The following LAMA5 variants were observed in gnomAD, a reference collection of about 807,000 sequenced individuals.
LAMA5 encodes the protein laminin subunit alpha-5.
In LAMA5, 260 loss-of-function variants were observed where a neutral mutation model predicts 433.4. That is an observed-to-expected ratio of 0.60 (90% confidence interval 0.54 to 0.66). The LOEUF (loss-of-function observed/expected upper bound fraction) is 0.66. Ranked by LOEUF, LAMA5 falls within the 30% of genes least tolerant of loss-of-function variation. LAMA5 has a pLI of 0.00. For synonymous variants in LAMA5, 2,620 were observed against 2,226.6 expected, an observed-to-expected ratio of 1.18 and a Z score of -4.97; for missense variants, 5,378 against 5,258.5, an observed-to-expected ratio of 1.02 and a Z score of -0.70.
At position 62,322,425 on chromosome 20, in the gene LAMA5, A is replaced by C; in HGVS notation, c.6190T>G (p.Cys2064Gly). ...CAAGCACACGGGCGGCAGCCCCCGC[A>C]GCCATCGAAACCAAAATGTCCCTCC... ...CQEGHFGFDG[C>G]GGCRPCACGP... Residue 2064 changes from cysteine to glycine, a missense_variant, in exon 47 of 80, where the codon TGC (cysteine) becomes GGC (glycine). Physicochemically the swap from Cys to Gly is radical, Grantham distance 159. Transcript: ENST00000252999. The C allele has an allele frequency of 6.3e-7, 1 of 1,591,950 alleles. No individual in the cohort carries two copies. The highest frequency in any genetic ancestry group is 8.5e-7 in the Non-Finnish European group (1 of 1,169,900).
chr20:62,351,563 G>A, intron 6 of LAMA5, 141 bp downstream of exon 6: 1 of 758,140 alleles, frequency 1.3e-6, no homozygotes, highest in Non-Finnish European at 2.2e-6. Flanking sequence ...GCGGTGGTCA[G>A]TGCAGGTCAC....
At chr20:62,334,732 C>CAGGGCTA (rs1981216807) in intron 20 of LAMA5, 111 bp from the exon 21 acceptor site, 5 of 622,522 alleles carry the variant, frequency 8.0e-6, no homozygotes, top group Admixed American at 7.5e-5. Context: ...GATGGAGAGT[C>CAGGGCTA]AGGGCTCAGG....
intron 2 of LAMA5, 51 bp from the exon 3 acceptor site, chr20:62,353,302 C>T (rs1404983466): frequency 7.6e-7 from 1 of 1,312,502 alleles, no homozygotes. Flanking sequence ...GATTCCCATG[C>T]TCCCAGGGGC....
intron 34 of LAMA5, 81 bp downstream of exon 34, chr20:62,328,763 C>A: frequency 7.3e-7 from 1 of 1,375,110 alleles, no homozygotes; most frequent in Non-Finnish European, 1.0e-6. Context: ...TTCTCCTGAC[C>A]CTGCTTTCTG....
rs747927662 is a variant in LAMA5, at chr20:62,338,518, C to T, written c.1568G>A (p.Gly523Asp). The T allele has an allele frequency of 3.0e-5, 48 of 1,610,004 alleles. No homozygotes were observed. Among genetic ancestry groups the T allele is most frequent in the Non-Finnish European group, 3.4e-6 (4 of 1,179,094 alleles). Reference sequence around the variant, plus strand: ...TGGCGCGCAGAGCTCACAATGGGTGCCTTGGAAGTTGGGTTTGCACAGACA... The same window carrying T: ...TGGCGCGCAGAGCTCACAATGGGTGTCTTGGAAGTTGGGTTTGCACAGACA... ...GRCLCKPNFQ[G>D]THCELCAPGF... Residue 523 changes from glycine to aspartate, a missense_variant, in exon 12 of 80, where the codon GGC becomes GAC. Transcript: ENST00000252999.
rs766412407 is a variant in LAMA5, at chr20:62,352,025, G to C, written c.742C>G (p.Pro248Ala). 2 of 1,612,716 alleles carry C rather than the reference G, an allele frequency of 1.2e-6. No individual in the cohort carries two copies. The highest frequency in any genetic ancestry group is 2.2e-5 in the South Asian group (2 of 91,078). ...GCCTTGGTGAACTCACGTAGCAGCGGCGAGTAGGAGAAATTCATGGCGCCC... is the reference window on the plus strand; with the variant it reads ...GCCTTGGTGAACTCACGTAGCAGCGCCGAGTAGGAGAAATTCATGGCGCCC... ...RPGAMNFSYS[P>A]LLREFTKATN... Residue 248 changes from proline (P) to alanine (A), a missense_variant, in exon 5 of 80, where the codon CCG becomes GCG. Transcript: ENST00000252999.
rs569003921 is a variant in LAMA5, at chr20:62,325,377, G to A, written c.5468C>T (p.Ala1823Val). The A allele has an allele frequency of 1.5e-5, 24 of 1,609,854 alleles. No homozygotes were observed. In the East Asian group the frequency reaches 4.7e-4, roughly 31 times the overall value. The change falls in exon 41 of 80, where the codon GCC becomes GTC. Residue 1823 changes from alanine (A) to valine (V), a missense_variant. Physicochemically the swap from Ala to Val is moderately conservative, Grantham distance 64 (BLOSUM62 0). Coordinates refer to ENST00000252999, the MANE Select transcript of LAMA5 (RefSeq NM_005560.6). ...GCACAGCTCCACATTGCTGGCCAGG[G>A]CCCCCTGGCCTGCTGGGCTGGCCAC... is the stretch of plus-strand genomic sequence containing the variant. ...LEVASPAGQG[A>V]LASNVELCLC...
In LAMA5 at chr20:62,345,765, G is replaced by A. The variant is rs545091402; in HGVS notation, c.1477+53C>T. ...TTCTCCAGGAACTTTCTGTGAAGCC[G>A]CCCCCATGGCTCCAGGGCAGGCCGG... On this transcript the variant is annotated intron_variant, in intron 11 of 79. Transcript: ENST00000252999. The A allele has an allele frequency of 1.0e-4, 131 of 1,312,168 alleles. 1 individual carries two copies. Among genetic ancestry groups the A allele is most frequent in the Non-Finnish European group, 1.2e-4 (116 of 948,576 alleles). 81.3% of individuals were successfully genotyped at this position (1,312,168 alleles called of 1,614,324 possible).
At chr20:62,319,437 T>C (rs1354208465) in intron 51 of LAMA5, among the ~76,000 whole-genome samples, 1 of 151,942 alleles carries the variant, frequency 6.6e-6, no homozygotes, top group Non-Finnish European at 1.5e-5. Flanking sequence ...AGCGCGAACA[T>C]CTAACCGGCA....
In LAMA5 at chr20:62,338,169, G is replaced by A. The variant is rs1227881404; in HGVS notation, c.1757-19C>T. On this transcript the variant is annotated intron_variant, in intron 13 of 79. Coordinates refer to ENST00000252999, the MANE Select transcript of LAMA5 (RefSeq NM_005560.6). ...CCACACACTGCAGAGCGGAGCGGGT[G>A]TCACGGTAGGCCAGGCCCACGGGCC... The A allele has an allele frequency of 7.0e-6, 11 of 1,570,090 alleles. No homozygotes were observed. Among genetic ancestry groups the A allele is most frequent in the East Asian group, 2.3e-5 (1 of 44,330 alleles).
chr20:62,324,350 G>C lies in LAMA5; in HGVS notation c.5643+91C>G. ...CAACACCCTTCCCCAGACCTCAGTT[G>C]ACCTGGAAGTGCAGCCCCTGGTCTT... is the stretch of plus-strand genomic sequence containing the variant. On this transcript the variant is annotated intron_variant, in intron 42 of 79. Coordinates refer to ENST00000252999, the MANE Select transcript of LAMA5 (RefSeq NM_005560.6). The surrounding 1 kb of genome is among the most constrained non-coding windows in gnomAD (Gnocchi z 4.4). 1 of 1,424,656 alleles carries C rather than the reference G, an allele frequency of 7.0e-7. No individual in the cohort carries two copies. The highest frequency in any genetic ancestry group is 1.2e-5 in the South Asian group (1 of 82,204). The allele number at this position is 1,424,656 out of a possible 1,614,324, so 88.3% of individuals were successfully genotyped here.
At chr20:62,342,060 T>C (rs142559580) in intron 11 of LAMA5, 145 of 159,226 alleles carry the variant, frequency 9.1e-4, no homozygotes, top group African/African-American at 3.4e-3. Context: ...ACCAGCACTT[T>C]GGGAGGCCGA....
chr20:62,347,523 C>T (rs541858054), intron 6 of LAMA5, among the ~76,000 whole-genome samples: 123 of 152,306 alleles, frequency 8.1e-4, no homozygotes, highest in African/African-American at 2.8e-3. Flanking sequence ...GCTCAGATTT[C>T]GCTTAGCAGG....
Position 62,346,577 on chromosome 20 carries a change from T to G in LAMA5, c.1211A>C (p.Asn404Thr). 6.3e-7 allele frequency: 1 copy of G among 1,587,064 alleles called. No individual in the cohort carries two copies. Among genetic ancestry groups the G allele is most frequent in the Non-Finnish European group, 8.6e-7 (1 of 1,166,766 alleles). Residue 404 changes from asparagine (N) to threonine (T), a missense_variant, in exon 9 of 80, where the codon AAC (asparagine) becomes ACC (threonine). Coordinates refer to ENST00000252999, the MANE Select transcript of LAMA5 (RefSeq NM_005560.6). ...IDCQHHTTGV[N>T]CERCLPGFYR... The stretch of plus-strand genomic sequence containing the variant: ...GAAGCCGGGCAGGCAGCGCTCACAG[T>G]TGACGCCGGTGGTGTGGTGCTGGGA...
intron 38 of LAMA5, 128 bp from the exon 39 acceptor site, chr20:62,327,094 A>T: frequency 9.1e-7 from 1 of 1,096,686 alleles, no homozygotes; most frequent in Non-Finnish European, 1.3e-6. Context: ...CTCATTCCCT[A>T]CCGGGACAGG....
intron 11 of LAMA5, among the ~76,000 whole-genome samples, chr20:62,341,222 G>A (rs1252506301): frequency 6.6e-6 from 1 of 152,062 alleles, no homozygotes; most frequent in Non-Finnish European, 1.5e-5. Flanking sequence ...GAAAAGGACA[G>A]GAGGGAAACC....
At chr20:62,341,858 G>C (rs1052912917) in intron 11 of LAMA5, among the ~76,000 whole-genome samples, 2 of 142,600 alleles carry the variant, frequency 1.4e-5, no homozygotes, top group Non-Finnish European at 3.0e-5. Flanking sequence ...GAAGAAGAAA[G>C]AAAATAAAAA....
chr20:62,318,822 G>A, intron 52 of LAMA5, 21 bp downstream of exon 52: 5 of 1,608,596 alleles, frequency 3.1e-6, no homozygotes, highest in African/African-American at 1.3e-5. Flanking sequence ...CACCCCGCCT[G>A]CCAGGGACAA....
Position 62,362,430 on chromosome 20 carries a change from G to C in LAMA5, c.420C>G (p.Asn140Lys), listed in dbSNP as rs150057353. Residue 140 changes from asparagine to lysine, a missense_variant, in exon 2 of 80, where the codon AAC becomes AAG. Asn to Lys is a moderately conservative substitution (Grantham distance 94, BLOSUM62 0). Transcript: ENST00000252999. ...SPPLSRGLEY[N>K]EVNVTLDLGQ... ...CCAGGTCCAGGGTGACGTTGACCTC[G>C]TTGTACTCCAGGCCGCGGGACAGCG... 3 of 1,578,410 alleles carry C rather than the reference G, an allele frequency of 1.9e-6. No individual in the cohort carries two copies. The highest frequency in any genetic ancestry group is 2.6e-6 in the Non-Finnish European group (3 of 1,157,836).
Sources: allele counts gnomAD v4.1 joint callset (sites outside exome capture counted in the v4.1 genomes callset), GRCh38; gene constraint gnomAD v4.1.1; non-coding constraint Gnocchi (gnomAD v3.1); transcripts MANE v1.5; gene names NCBI Gene and HGNC (gene_info 2026-07-23, HGNC 2026-07-21).